IQCH: variants seen among roughly 807,000 people sequenced by gnomAD.
The protein encoded by IQCH is IQ domain-containing protein H.
Under a neutral mutation model 117.0 loss-of-function variants are expected in IQCH, and 98 were observed. The observed-to-expected ratio is 0.84, with a 90% CI of 0.71 to 0.99. The LOEUF is 0.99. IQCH is among the 50% of genes least tolerant of loss of function. IQCH has a pLI of 0.00. For missense variants in IQCH, 1,102 were observed against 1,243.8 expected (o/e 0.89, Z 1.72); for synonymous variants, 412 against 448.2 (o/e 0.92, Z 1.02).
chr15:67,357,602 A>G (rs1165287872), intron 7 of IQCH, among the ~76,000 whole-genome samples, 181 bp downstream of exon 7: 3 of 152,166 alleles, frequency 2.0e-5, no homozygotes, highest in Non-Finnish European at 4.4e-5. Flanking sequence ...CTCTAGCATA[A>G]TGTTATTGGT....
Position 67,490,497 on chromosome 15 carries a change from C to T in IQCH, c.2861+433C>T, listed in dbSNP as rs539758857. 2.0e-5 allele frequency among the ~76,000 whole-genome samples: 3 copies of T among 152,270 alleles called. No individual in the cohort carries two copies. Among genetic ancestry groups the T allele is most frequent in the African/African-American group, 2.4e-5 (1 of 41,544 alleles). The stretch of plus-strand genomic sequence containing the variant: ...GGGATTACAGGCCTGAGCCACTGCG[C>T]CCAGCCTAGGTATTTTATAAAATGA... On this transcript the variant is annotated intron_variant, in intron 19 of 20. Coordinates refer to ENST00000335894, the MANE Select transcript of IQCH (RefSeq NM_001031715.3). The surrounding 1 kb of genome is among the most constrained non-coding windows in gnomAD (Gnocchi z 4.9).
intron 18 of IQCH, among the ~76,000 whole-genome samples, chr15:67,487,429 A>AAC (rs111875205): frequency 0.63 from 93,614 of 148,062 alleles, 29,609 homozygotes; most frequent in Middle Eastern, 0.75. Flanking sequence ...ACTTAAGGAA[A>AAC]ACACACACAC....
chr15:67,272,626 C>T (rs1047105888), intron 3 of IQCH, among the ~76,000 whole-genome samples: 14 of 152,194 alleles, frequency 9.2e-5, no homozygotes, highest in Non-Finnish European at 1.9e-4. Flanking sequence ...CGTGCATAGA[C>T]ACTTACACTT....
At chr15:67,272,880 T>G (rs981406964) in intron 3 of IQCH, among the ~76,000 whole-genome samples, 3 of 152,156 alleles carry the variant, frequency 2.0e-5, no homozygotes, top group African/African-American at 7.2e-5. Flanking sequence ...CCACACTGTG[T>G]TTTTTAATTG....
At position 67,453,745 on chromosome 15, in the gene IQCH, A is replaced by T. The variant is rs2082591310; in HGVS notation, c.2506-11382A>T. Among the ~76,000 whole-genome samples the T allele has an allele frequency of 6.6e-6, 1 of 152,180 alleles. No homozygotes were observed. The highest frequency in any genetic ancestry group is 1.5e-5 in the Non-Finnish European group (1 of 68,028). On this transcript the variant is annotated intron_variant, in intron 16 of 20. Coordinates refer to ENST00000335894, the MANE Select transcript of IQCH (RefSeq NM_001031715.3). This position sits in a 1 kb window ranked among gnomAD's most constrained non-coding sequence, Gnocchi z 5.8. ...CATGCTGGGAGAACCACTACTCTTC[A>T]AAGCTGTCAGAGAGGGACATTTAAG...
At chr15:67,347,878 T>C (rs1969477091) in intron 6 of IQCH, among the ~76,000 whole-genome samples, 1 of 147,522 alleles carries the variant, frequency 6.8e-6, no homozygotes, top group Admixed American at 6.8e-5. Context: ...TATTTATATA[T>C]AGATATATAT....
At position 67,364,159 on chromosome 15, in the gene IQCH, T is replaced by G. The variant is rs1187628003; in HGVS notation, c.753+4274T>G. 6.6e-6 allele frequency among the ~76,000 whole-genome samples: 1 copy of G among 152,242 alleles called. No homozygotes were observed. Among genetic ancestry groups the G allele is most frequent in the Non-Finnish European group, 1.5e-5 (1 of 68,038 alleles). On this transcript the variant is annotated intron_variant, in intron 8 of 20. Coordinates refer to ENST00000335894, the MANE Select transcript of IQCH (RefSeq NM_001031715.3). The surrounding 1 kb of genome is among the most constrained non-coding windows in gnomAD (Gnocchi z 4.1). The stretch of plus-strand genomic sequence containing the variant: ...CTGCTTTCTATAATGGCTGAACTAA[T>G]TTACATTCCCACTGGCAGTGTATAA...
At chr15:67,266,085 G>GT (rs1965656364) in intron 3 of IQCH, among the ~76,000 whole-genome samples, 1 of 151,708 alleles carries the variant, frequency 6.6e-6, no homozygotes, top group Non-Finnish European at 1.5e-5. Flanking sequence ...TATTGACATA[G>GT]CCATTGGTCA....
intron 4 of IQCH, among the ~76,000 whole-genome samples, chr15:67,311,141 G>A (rs937271496): frequency 1.3e-5 from 2 of 151,976 alleles, no homozygotes; most frequent in Non-Finnish European, 2.9e-5. Context: ...GGGGAGTCAG[G>A]ATTCAAATTA....
chr15:67,492,780 G>A (rs1305230421), intron 19 of IQCH, among the ~76,000 whole-genome samples: 1 of 152,186 alleles, frequency 6.6e-6, no homozygotes, highest in Non-Finnish European at 1.5e-5. Flanking sequence ...CACAGGAAGA[G>A]CAGTGCAGGT....
At chr15:67,309,007 T>G (rs1967452214) in intron 4 of IQCH, among the ~76,000 whole-genome samples, 1 of 152,122 alleles carries the variant, frequency 6.6e-6, no homozygotes, top group Non-Finnish European at 1.5e-5. Flanking sequence ...CTGAAACCAC[T>G]TTTTAGCTCT....
rs2082839569 is a variant in IQCH at position 67,463,150 on chromosome 15, G to A, written c.2506-1977G>A. On this transcript the variant is annotated intron_variant, in intron 16 of 20. Coordinates refer to ENST00000335894, the MANE Select transcript of IQCH (RefSeq NM_001031715.3). The surrounding 1 kb of genome is among the most constrained non-coding windows in gnomAD (Gnocchi z 4.0). ...GACAGGAGTCCACTCTAGGGCAGAT[G>A]TATTATGTATTTTAACACACAGAGT... 6.6e-6 allele frequency among the ~76,000 whole-genome samples: 1 copy of A among 152,152 alleles called. No homozygotes were observed.
chr15:67,334,796 C>T (rs1241519854), intron 4 of IQCH, among the ~76,000 whole-genome samples: 1 of 152,208 alleles, frequency 6.6e-6, no homozygotes, highest in Admixed American at 6.5e-5. Context: ...ACTCCCTCTT[C>T]TATACTCCTA....
chr15:67,487,323 A>G (rs1288077840), intron 18 of IQCH, among the ~76,000 whole-genome samples: 1 of 151,776 alleles, frequency 6.6e-6, no homozygotes, highest in Non-Finnish European at 1.5e-5. Flanking sequence ...ACCGAGTGAG[A>G]CTCTGTCTCA....
At chr15:67,478,767 T>C (rs2083272524) in intron 18 of IQCH, among the ~76,000 whole-genome samples, 1 of 151,722 alleles carries the variant, frequency 6.6e-6, no homozygotes, top group Non-Finnish European at 1.5e-5. Context: ...GTACTAAAAA[T>C]ACAAAAATTA....
rs777170790 is a variant in IQCH at position 67,395,544 on chromosome 15, A to G, written c.1886A>G (p.Asp629Gly). Residue 629 changes from aspartate (D) to glycine (G), a missense_variant, in exon 13 of 21, where the codon GAT (aspartate) becomes GGT (glycine). Physicochemically the swap from Asp to Gly is moderately conservative, Grantham distance 94. Transcript: ENST00000335894. This position sits in a 1 kb window ranked among gnomAD's most constrained non-coding sequence, Gnocchi z 4.0. Reference sequence around the variant, plus strand: ...GTGGCAGTTCCTCCTGGAATATATGATATTTATAGTCAGCAACAGGTATGT... The same window carrying G: ...GTGGCAGTTCCTCCTGGAATATATGGTATTTATAGTCAGCAACAGGTATGT... ...ANVAVPPGIY[D>G]IYSQQQMIEQ... 6.2e-7 allele frequency: 1 copy of G among 1,613,772 alleles called. No individual in the cohort carries two copies. Among genetic ancestry groups the G allele is most frequent in the East Asian group, 2.2e-5 (1 of 44,880 alleles).
At position 67,342,980 on chromosome 15, in the gene IQCH, A is replaced by G. The variant is rs1206146068; in HGVS notation, c.509-1083A>G. ...TTCTTCTCCTAAATGATTCTTCAGT[A>G]AGTAAACTGAAGATTTCTCTTTGAA... On this transcript the variant is annotated intron_variant, in intron 5 of 20. Coordinates refer to ENST00000335894, the MANE Select transcript of IQCH (RefSeq NM_001031715.3). This position sits in a 1 kb window ranked among gnomAD's most constrained non-coding sequence, Gnocchi z 4.7. Among the ~76,000 whole-genome samples the G allele has an allele frequency of 6.6e-6, 1 of 152,216 alleles. No homozygotes were observed. The highest frequency in any genetic ancestry group is 1.5e-5 in the Non-Finnish European group (1 of 68,018).
At chr15:67,299,078 CA>C (rs36031731) in intron 4 of IQCH, among the ~76,000 whole-genome samples, 30,820 of 106,858 alleles carry the variant, frequency 0.29, 3,365 homozygotes, top group East Asian at 0.49. Flanking sequence ...TATATTCAGC[CA>C]AAAAAAAAAA....
chr15:67,293,786 G>A (rs1966833147), intron 4 of IQCH, among the ~76,000 whole-genome samples: 1 of 152,252 alleles, frequency 6.6e-6, no homozygotes, highest in Admixed American at 6.5e-5. Flanking sequence ...CAAGTCATGT[G>A]CCTCCTTGGA....
Sources: gnomAD v4.1 joint callset for allele counts (sites outside exome capture counted in the v4.1 genomes callset) on GRCh38, gnomAD v4.1.1 for gene constraint, Gnocchi (gnomAD v3.1) non-coding constraint, MANE v1.5 for transcripts, NCBI Gene and HGNC (gene_info 2026-07-23, HGNC 2026-07-21) for gene names.